RNLS: variants seen among roughly 807,000 people sequenced by gnomAD.
RNLS encodes renalase.
In RNLS, 39 loss-of-function variants were observed where a neutral mutation model predicts 39.8. The observed-to-expected ratio is 0.98, with a 90% CI of 0.76 to 1.28. The LOEUF is 1.28. Ranked by LOEUF, RNLS falls within the 50% of genes most tolerant of loss-of-function variation. RNLS has a pLI of 0.00. For synonymous variants in RNLS, 147 were observed against 150.7 expected (o/e 0.98, Z 0.18); for missense variants, 410 against 413.3 (o/e 0.99, Z 0.07).
chr10:88,458,515 A>G (rs1004884191), intron 4 of RNLS, among the ~76,000 whole-genome samples: 1 of 152,184 alleles, frequency 6.6e-6, no homozygotes, highest in Non-Finnish European at 1.5e-5. Context: ...TTCTTTCTGC[A>G]TTCTCTGCTG....
intron 6 of RNLS, among the ~76,000 whole-genome samples, chr10:88,293,693 GA>G (rs66888138): frequency 5.3e-5 from 8 of 149,702 alleles, no homozygotes; most frequent in Non-Finnish European, 1.0e-4. Context: ...ACTGGTCCAT[GA>G]AAAAAAAAAT....
chr10:88,512,384 TA>T lies in RNLS; in HGVS notation c.526+60518del, dbSNP rs367823587. ...AAGTAGGATCTTCTTCATAGGTCTATAAAAAATGTAATTTATAATGAAAAGC... is the reference window on the plus strand; with the variant it reads ...AAGTAGGATCTTCTTCATAGGTCTATAAAAATGTAATTTATAATGAAAAGC... On this transcript the variant is annotated intron_variant, in intron 4 of 6. Transcript: ENST00000331772. Among the ~76,000 whole-genome samples the T allele has an allele frequency of 2.9e-3, 448 of 152,230 alleles. 2 individuals carry two copies. The highest frequency in any genetic ancestry group is 0.027 in the Middle Eastern group (8 of 294).
intron 6 of RNLS, among the ~76,000 whole-genome samples, chr10:88,310,827 A>AAAAAG (rs57866142): frequency 6.9e-6 from 1 of 145,098 alleles, no homozygotes; most frequent in Non-Finnish European, 1.5e-5. Flanking sequence ...AAAAAAAAAA[A>AAAAAG]GAAAGAAAAG....
chr10:88,551,251 A>C (rs1450146030), intron 4 of RNLS, among the ~76,000 whole-genome samples: 1 of 152,244 alleles, frequency 6.6e-6, no homozygotes, highest in Non-Finnish European at 1.5e-5. Context: ...CTAAAGTTAA[A>C]ATATCAAAAC....
intron 6 of RNLS, among the ~76,000 whole-genome samples, chr10:88,289,998 C>T (rs1843550868): frequency 6.6e-6 from 1 of 152,018 alleles, no homozygotes; most frequent in African/African-American, 2.4e-5. Flanking sequence ...TATGGTTCAG[C>T]CTAATAGTTT....
the RNLS span, among the ~76,000 whole-genome samples, chr10:88,229,466 C>G: frequency 6.6e-6 from 1 of 152,218 alleles, no homozygotes; most frequent in African/African-American, 2.4e-5. Context: ...GTCTCCTTAG[C>G]AGTCTTCCCT....
intron 4 of RNLS, among the ~76,000 whole-genome samples, chr10:88,560,782 AC>A (rs1047592988): frequency 1.3e-5 from 2 of 152,062 alleles, no homozygotes; most frequent in Non-Finnish European, 2.9e-5. Flanking sequence ...GCTAAACACT[AC>A]CCACTGGCCA....
At chr10:88,539,444 G>C (rs1239915106) in intron 4 of RNLS, among the ~76,000 whole-genome samples, 1 of 152,104 alleles carries the variant, frequency 6.6e-6, no homozygotes, top group Non-Finnish European at 1.5e-5. Context: ...ACACTTTAAA[G>C]AACAGAACCC....
chr10:88,474,951 T>C (rs1843727410), intron 4 of RNLS, among the ~76,000 whole-genome samples: 1 of 151,858 alleles, frequency 6.6e-6, no homozygotes. Context: ...AAAAACAGGA[T>C]ATAAAAAGTA....
intron 5 of RNLS, among the ~76,000 whole-genome samples, chr10:88,359,834 A>G (rs1269975136): frequency 6.6e-6 from 1 of 152,178 alleles, no homozygotes; most frequent in Non-Finnish European, 1.5e-5. Context: ...ATCCCACTCC[A>G]TTTTTATAGC....
At chr10:88,521,526 A>G (rs1846734140) in intron 4 of RNLS, among the ~76,000 whole-genome samples, 2 of 152,084 alleles carry the variant, frequency 1.3e-5, no homozygotes, top group African/African-American at 4.8e-5. Flanking sequence ...TAATTAGAAT[A>G]TAACAGAATA....
chr10:88,400,874 C>T (rs1056394777), intron 4 of RNLS, among the ~76,000 whole-genome samples: 6 of 151,750 alleles, frequency 4.0e-5, no homozygotes, highest in African/African-American at 9.7e-5. Context: ...AGAAGAATAC[C>T]TTAACTTTTT....
the RNLS span, among the ~76,000 whole-genome samples, chr10:88,226,669 A>C: frequency 6.6e-6 from 1 of 150,386 alleles, no homozygotes; most frequent in Non-Finnish European, 1.5e-5. Flanking sequence ...CAGATAAGTG[A>C]TACTTTCACC....
the RNLS span, among the ~76,000 whole-genome samples, chr10:88,211,087 TTCTC>T: frequency 1.3e-5 from 2 of 152,312 alleles, no homozygotes; most frequent in African/African-American, 2.4e-5. Context: ...ACTTCCTTCT[TTCTC>T]CAAATTTGCC....
intron 6 of RNLS, among the ~76,000 whole-genome samples, chr10:88,312,259 A>G (rs1214256060): frequency 1.3e-5 from 2 of 152,194 alleles, no homozygotes; most frequent in East Asian, 3.8e-4. Flanking sequence ...GTCAGAGTGG[A>G]AGAAGGATTT....
chr10:88,286,830 T>C (rs1843307674), intron 6 of RNLS, among the ~76,000 whole-genome samples: 1 of 151,826 alleles, frequency 6.6e-6, no homozygotes, highest in African/African-American at 2.4e-5. Flanking sequence ...TCTTGCTCTG[T>C]TGCCCAGGCT....
intron 6 of RNLS, among the ~76,000 whole-genome samples, chr10:88,287,082 C>T (rs1453683428): frequency 2.6e-5 from 4 of 152,106 alleles, no homozygotes; most frequent in African/African-American, 9.7e-5. Context: ...AGCCACCATG[C>T]CTGGCTTACA....
At chr10:88,529,136 T>A (rs2134232850) in intron 4 of RNLS, among the ~76,000 whole-genome samples, 1 of 152,190 alleles carries the variant, frequency 6.6e-6, no homozygotes, top group South Asian at 2.1e-4. Context: ...CTCTAAAAAA[T>A]CTCCATCCCT....
chr10:88,312,993 T>C (rs1274866498), intron 6 of RNLS, among the ~76,000 whole-genome samples: 1 of 152,202 alleles, frequency 6.6e-6, no homozygotes, highest in African/African-American at 2.4e-5. Context: ...TTGCAGCCAA[T>C]GTAGACTTCA....
Sources: gnomAD v4.1 joint callset for allele counts (sites outside exome capture counted in the v4.1 genomes callset) on GRCh38, gnomAD v4.1.1 for gene constraint, MANE v1.5 for transcripts, NCBI Gene and HGNC (gene_info 2026-07-23, HGNC 2026-07-21) for gene names.